The following RANBP2 variants were observed in gnomAD, a reference collection of about 807,000 sequenced individuals.
RANBP2 encodes the protein RAN binding protein 2.
RANBP2 carries 57 observed loss-of-function variants against 303.6 expected under a neutral mutation model. The ratio of observed to expected loss-of-function variants is 0.19; its 90% CI spans 0.15 to 0.23. RANBP2 has a LOEUF of 0.23. Among genes scored for constraint, RANBP2 ranks in the 10% least tolerant of loss-of-function variants. RANBP2 has a pLI of 1.00. For synonymous variants in RANBP2, 1,167 were observed against 1,301.5 expected (o/e 0.90, Z 2.23); for missense variants, 3,138 against 3,780.8 (o/e 0.83, Z 4.46).
the RANBP2 span, among the ~76,000 whole-genome samples, chr2:109,726,058 G>GGTGTGTGTGTGTGTGT: frequency 1.1e-4 from 15 of 137,090 alleles, no homozygotes; most frequent in East Asian, 2.3e-4. Flanking sequence ...TTTTGCTTTT[G>GGTGTGTGTGTGTGTGT]GTGTGTGTGT....
the RANBP2 span, among the ~76,000 whole-genome samples, chr2:109,648,929 G>A: frequency 2.0e-5 from 3 of 152,152 alleles, no homozygotes; most frequent in Non-Finnish European, 4.4e-5. Flanking sequence ...CGGGAGTGTG[G>A]AGTGCTGGGA....
chr2:108,763,600 A>G lies in RANBP2; in HGVS notation c.3061A>G (p.Thr1021Ala), dbSNP rs1392547899. 6.2e-7 allele frequency: 1 copy of G among 1,614,156 alleles called. No homozygotes were observed. Among genetic ancestry groups the G allele is most frequent in the African/African-American group, 1.3e-5 (1 of 75,028 alleles). Residue 1021 changes from threonine to alanine, a missense_variant, in exon 20 of 29, where the codon ACA becomes GCA. Physicochemically the swap from Thr to Ala is moderately conservative, Grantham distance 58. This residue lies in a region of RANBP2 where 403 missense variants were observed against 376.7 expected (regional missense o/e 1.07). Coordinates refer to ENST00000283195, the MANE Select transcript of RANBP2 (RefSeq NM_006267.5). ...TGAAGGATTAAGGCCATCTTTGCCAACACAAGCACACACAACACAGCCAAC... is the reference window on the plus strand; with the variant it reads ...TGAAGGATTAAGGCCATCTTTGCCAGCACAAGCACACACAACACAGCCAAC... ...PGEGLRPSLPTQAHTTQPTPF... is the reference protein window; with the variant it reads ...PGEGLRPSLPAQAHTTQPTPF...
At chr2:109,486,805 G>A in the RANBP2 span, among the ~76,000 whole-genome samples, 1 of 152,196 alleles carries the variant, frequency 6.6e-6, no homozygotes, top group African/African-American at 2.4e-5. Context: ...ATCCCAGCAG[G>A]GCGACAGCAG....
At chr2:109,104,512 C>G in the RANBP2 span, among the ~76,000 whole-genome samples, 4 of 148,138 alleles carry the variant, frequency 2.7e-5, no homozygotes, top group African/African-American at 1.0e-4. Context: ...GAGACGGAGT[C>G]TCGCTCTGTC....
At chr2:109,263,757 G>T in the RANBP2 span, among the ~76,000 whole-genome samples, 1 of 152,172 alleles carries the variant, frequency 6.6e-6, no homozygotes, top group Non-Finnish European at 1.5e-5. Context: ...ATGAGGTCAG[G>T]AGATTGAGAT....
chr2:108,815,533 C>A, the RANBP2 span, among the ~76,000 whole-genome samples: 1 of 121,142 alleles, frequency 8.3e-6, no homozygotes, highest in African/African-American at 3.1e-5. Context: ...GTGGTGCGAT[C>A]TCGGCTCACT....
chr2:109,339,774 G>A, the RANBP2 span, among the ~76,000 whole-genome samples: 1 of 152,356 alleles, frequency 6.6e-6, no homozygotes, highest in African/African-American at 2.4e-5. Flanking sequence ...TTCCCAGAAA[G>A]TGAGGAAGTG....
At chr2:109,108,200 C>T in the RANBP2 span, among the ~76,000 whole-genome samples, 1 of 151,778 alleles carries the variant, frequency 6.6e-6, no homozygotes, top group Admixed American at 6.6e-5. Flanking sequence ...CCAGGACGCC[C>T]GGCCTAATTT....
chr2:109,209,011 A>G, the RANBP2 span, among the ~76,000 whole-genome samples: 1 of 152,202 alleles, frequency 6.6e-6, no homozygotes. Flanking sequence ...ACACGGACAT[A>G]TGGACCCAGA....
chr2:109,631,232 G>A, the RANBP2 span, among the ~76,000 whole-genome samples: 2 of 151,450 alleles, frequency 1.3e-5, no homozygotes, highest in African/African-American at 4.8e-5. Context: ...TCCGAGATAA[G>A]GGATAAGTCA....
the RANBP2 span, among the ~76,000 whole-genome samples, chr2:109,145,288 T>C: frequency 1.3e-5 from 2 of 152,162 alleles, no homozygotes; most frequent in Non-Finnish European, 2.9e-5. Context: ...AAATGCTGTT[T>C]GGTGGTTACA....
the RANBP2 span, chr2:109,251,584 A>G: frequency 1.1e-6 from 1 of 921,164 alleles, no homozygotes; most frequent in Non-Finnish European, 1.8e-6. Context: ...TGGGCAACAG[A>G]ACAATATTGG....
At chr2:108,977,300 G>A in the RANBP2 span, among the ~76,000 whole-genome samples, 10 of 152,198 alleles carry the variant, frequency 6.6e-5, no homozygotes, top group African/African-American at 2.2e-4. Context: ...ATGGAGTCTC[G>A]CTCTGTCGCC....
the RANBP2 span, among the ~76,000 whole-genome samples, chr2:109,763,810 G>A: frequency 6.7e-6 from 1 of 149,594 alleles, no homozygotes; most frequent in Non-Finnish European, 1.5e-5. Context: ...CTAATTGATG[G>A]ACATCATTTT....
chr2:109,295,571 G>A, the RANBP2 span, among the ~76,000 whole-genome samples: 1 of 152,196 alleles, frequency 6.6e-6, no homozygotes, highest in South Asian at 2.1e-4. Context: ...CACTGTGGAG[G>A]GCCAGGTGGT....
intron 26 of RANBP2, among the ~76,000 whole-genome samples, chr2:108,781,887 T>G (rs1678279878): frequency 6.6e-6 from 1 of 152,200 alleles, no homozygotes; most frequent in Non-Finnish European, 1.5e-5. Flanking sequence ...AAGAAAAGCA[T>G]TTAATTTCCA....
chr2:108,820,384 G>C, the RANBP2 span, among the ~76,000 whole-genome samples: 1 of 152,120 alleles, frequency 6.6e-6, no homozygotes, highest in Non-Finnish European at 1.5e-5. Context: ...GGAATGAGAA[G>C]AGAGAAGGAG....
the RANBP2 span, among the ~76,000 whole-genome samples, chr2:109,114,626 A>G: frequency 6.6e-6 from 1 of 151,422 alleles, no homozygotes; most frequent in Non-Finnish European, 1.5e-5. Flanking sequence ...TTGTGTCTCT[A>G]TTTCCTTCAG....
the RANBP2 span, among the ~76,000 whole-genome samples, chr2:109,154,716 G>C: frequency 6.6e-6 from 1 of 152,212 alleles, no homozygotes; most frequent in African/African-American, 2.4e-5. Flanking sequence ...GTTTGGACAA[G>C]GTCTGTGGGG....
Sources: gnomAD v4.1 joint callset for allele counts (sites outside exome capture counted in the v4.1 genomes callset) on GRCh38, gnomAD v4.1.1 for gene constraint, gnomAD v4.1.1 regional missense constraint, MANE v1.5 for transcripts, NCBI Gene and HGNC (gene_info 2026-07-23, HGNC 2026-07-21) for gene names.